Variants in GRIA4 observed in about 807,000 individuals in gnomAD.
The protein encoded by GRIA4 is glutamate receptor 4.
Under a neutral mutation model 104.0 loss-of-function variants are expected in GRIA4, and 34 were observed. The ratio of observed to expected loss-of-function variants is 0.33; its 90% CI spans 0.25 to 0.44. The LOEUF (loss-of-function observed/expected upper bound fraction) is 0.44. GRIA4 is among the 20% of genes least tolerant of loss of function. GRIA4 has a pLI of 1.00. For missense variants in GRIA4, 750 were observed against 1,096.5 expected, an observed-to-expected ratio of 0.68 and a Z score of 4.46; for synonymous variants, 386 against 381.9, an observed-to-expected ratio of 1.01 and a Z score of -0.13.
At chr11:105,676,541 T>G (rs184271560) in intron 3 of GRIA4, among the ~76,000 whole-genome samples, 2 of 151,734 alleles carry the variant, frequency 1.3e-5, no homozygotes, top group Non-Finnish European at 3.0e-5. Context: ...AATCACTATA[T>G]CTATAAGGTA....
At chr11:105,760,962 T>C (rs1257167128) in intron 4 of GRIA4, among the ~76,000 whole-genome samples, 2 of 152,186 alleles carry the variant, frequency 1.3e-5, no homozygotes, top group Non-Finnish European at 2.9e-5. Flanking sequence ...AAATGCACTA[T>C]TAAGATTGAA....
chr11:105,974,702 T>C (rs1591504276), intron 16 of GRIA4: 2 of 712,116 alleles, frequency 2.8e-6, no homozygotes, highest in South Asian at 3.9e-5. Context: ...TTCGGTTTTC[T>C]TTGGCTGCAG....
intron 10 of GRIA4, chr11:105,913,043 T>C: frequency 1.1e-6 from 1 of 908,034 alleles, no homozygotes; most frequent in Non-Finnish European, 1.3e-6. Context: ...TTGTGTATGT[T>C]CTTATTTATA....
In GRIA4 at chr11:105,696,919, C is replaced by A. The variant is rs544385184; in HGVS notation, c.248-56062C>A. ...AGCTGGGATTATAGGCACGTGCCAC[C>A]ACCCCAGCTAATTTTTGTATTTTTA... On this transcript the variant is annotated intron_variant, in intron 3 of 16. Transcript: ENST00000282499. Among the ~76,000 whole-genome samples the A allele has an allele frequency of 4.1e-3, 628 of 152,142 alleles. 5 individuals are homozygous for A. The highest frequency in any genetic ancestry group is 0.014 in the African/African-American group (583 of 41,504).
chr11:105,849,778 A>C (rs1443679245), intron 4 of GRIA4, among the ~76,000 whole-genome samples: 3 of 152,228 alleles, frequency 2.0e-5, no homozygotes, highest in Non-Finnish European at 4.4e-5. Context: ...CATATAACAT[A>C]GGCATTAATA....
chr11:105,875,630 G>A (rs1945790365), intron 5 of GRIA4, among the ~76,000 whole-genome samples: 2 of 152,010 alleles, frequency 1.3e-5, no homozygotes, highest in African/African-American at 2.4e-5. Context: ...CTTCTTCCTG[G>A]TTTAGTCTTG....
chr11:105,708,834 G>A (rs1400088814), intron 3 of GRIA4, among the ~76,000 whole-genome samples: 1 of 151,810 alleles, frequency 6.6e-6, no homozygotes, highest in Non-Finnish European at 1.5e-5. Flanking sequence ...TTTTAATATA[G>A]ATATTTAATA....
intron 3 of GRIA4, among the ~76,000 whole-genome samples, chr11:105,736,196 T>C (rs1254192365): frequency 6.6e-6 from 1 of 152,118 alleles, no homozygotes; most frequent in Non-Finnish European, 1.5e-5. Context: ...GCACCCCTTG[T>C]AGTGGGGTAA....
intron 14 of GRIA4, among the ~76,000 whole-genome samples, chr11:105,966,970 AT>A (rs1392137355): frequency 6.6e-6 from 1 of 152,146 alleles, no homozygotes; most frequent in Admixed American, 6.5e-5. Flanking sequence ...GTAATAACTT[AT>A]TTTATATTTT....
At position 105,974,389 on chromosome 11, in the gene GRIA4, T is replaced by C; in HGVS notation, c.2489T>C (p.Leu830Pro). ...ILVGGLGLAM[L>P]VALIEFCYKS... ...GTTGGCGGCTTGGGCTTGGCAATGC[T>C]GGTGGCTTTGATAGAGTTCTGTTAC... Residue 830 changes from leucine to proline, a missense_variant, in exon 16 of 17, where the codon CTG becomes CCG. Physicochemically the swap from Leu to Pro is moderately conservative, Grantham distance 98. Transcript: ENST00000282499. The C allele has an allele frequency of 6.2e-7, 1 of 1,614,004 alleles. No individual in the cohort carries two copies.
At chr11:105,729,299 C>T (rs1938428529) in intron 3 of GRIA4, among the ~76,000 whole-genome samples, 2 of 152,036 alleles carry the variant, frequency 1.3e-5, no homozygotes, top group Admixed American at 1.3e-4. Flanking sequence ...CAAGACTAAA[C>T]CAGGAAGAAG....
chr11:105,927,963 G>GT lies in GRIA4; in HGVS notation c.2046+1025dup, dbSNP rs368119940. On this transcript the variant is annotated intron_variant, in intron 13 of 16. Transcript: ENST00000282499. ...CTTTCTAAGCTTTCATGGGAAAGTAGTAATAGCTCTTTGTTCGTGCCTACA... is the reference window on the plus strand; with the variant it reads ...CTTTCTAAGCTTTCATGGGAAAGTAGTTAATAGCTCTTTGTTCGTGCCTACA... 4.1e-3 allele frequency among the ~76,000 whole-genome samples: 625 copies of GT among 152,094 alleles called. 8 individuals carry two copies. Among genetic ancestry groups the GT allele is most frequent in the African/African-American group, 0.014 (589 of 41,542 alleles).
At chr11:105,826,513 T>C (rs907765805) in intron 4 of GRIA4, among the ~76,000 whole-genome samples, 6 of 152,040 alleles carry the variant, frequency 3.9e-5, no homozygotes, top group Admixed American at 2.0e-4. Flanking sequence ...TTTATTGTCT[T>C]CTCTGAATGG....
rs573744922 is a variant in GRIA4, at chr11:105,981,275, T to A, written c.*1536T>A. On this transcript the variant is annotated 3_prime_UTR_variant, in exon 17 of 17. Coordinates refer to ENST00000282499, the MANE Select transcript of GRIA4 (RefSeq NM_000829.4). ...TTAGGGTATTGGCAGAAAGCACAAG[T>A]TAGGATGATTTCAGAAGTCTGGCCT... is the stretch of plus-strand genomic sequence containing the variant. The A allele has an allele frequency of 6.6e-6, 1 of 152,298 alleles. No individual in the cohort carries two copies. The highest frequency in any genetic ancestry group is 1.9e-4 in the East Asian group (1 of 5,168). The allele number at this position is 152,298 out of a possible 1,614,324, so 9.4% of individuals were successfully genotyped here. A position where few individuals can be genotyped will look rare whatever the true frequency, so the allele number is the denominator to read the frequency against.
At chr11:105,802,950 T>C (rs1178630714) in intron 4 of GRIA4, among the ~76,000 whole-genome samples, 1 of 151,954 alleles carries the variant, frequency 6.6e-6, no homozygotes, top group Non-Finnish European at 1.5e-5. Flanking sequence ...TGCTATTCAA[T>C]ATAGAATTTA....
intron 4 of GRIA4, among the ~76,000 whole-genome samples, chr11:105,827,308 C>A (rs552844114): frequency 6.6e-6 from 1 of 151,700 alleles, no homozygotes; most frequent in African/African-American, 2.4e-5. Flanking sequence ...ATATATGATA[C>A]AATATCAAAT....
chr11:105,655,801 A>T (rs1314048452), intron 3 of GRIA4, among the ~76,000 whole-genome samples: 5 of 152,146 alleles, frequency 3.3e-5, no homozygotes, highest in African/African-American at 9.7e-5. Flanking sequence ...ATACGTGTGC[A>T]TGTGTCCTTA....
intron 3 of GRIA4, among the ~76,000 whole-genome samples, chr11:105,752,026 C>T (rs917530062): frequency 7.9e-5 from 12 of 152,118 alleles, no homozygotes; most frequent in Non-Finnish European, 1.5e-4. Context: ...TTTATGGTAC[C>T]TCCTTTGCGA....
intron 3 of GRIA4, among the ~76,000 whole-genome samples, chr11:105,683,159 A>C (rs543327806): frequency 7.2e-5 from 11 of 152,156 alleles, no homozygotes; most frequent in Non-Finnish European, 1.3e-4. Flanking sequence ...CTCTGTATAC[A>C]TTAAAATGTG....
Sources: gnomAD v4.1 joint callset for allele counts (sites outside exome capture counted in the v4.1 genomes callset) on GRCh38, gnomAD v4.1.1 for gene constraint, MANE v1.5 for transcripts, NCBI Gene and HGNC (gene_info 2026-07-23, HGNC 2026-07-21) for gene names.